PCDH11X: variants seen among roughly 807,000 people sequenced by gnomAD.
PCDH11X encodes the protein protocadherin-11 X-linked.
A neutral mutation model predicts 53.3 loss-of-function variants in PCDH11X; 18 were observed. The ratio of observed to expected loss-of-function variants is 0.34; its 90% CI spans 0.23 to 0.50. The LOEUF is 0.50. PCDH11X is among the 20% of genes least tolerant of loss of function. The probability of loss-of-function intolerance (pLI) is 0.98; values close to 1 mark genes in which losing one functional copy is unlikely to be tolerated. For missense variants in PCDH11X, 570 were observed against 1,032.4 expected, an observed-to-expected ratio of 0.55 and a Z score of 6.14; for synonymous variants, 279 against 393.3, an observed-to-expected ratio of 0.71 and a Z score of 3.44.
At chrX:91,867,804 G>C (rs1373550477) in intron 5 of PCDH11X, among the ~76,000 whole-genome samples, 1 of 111,253 alleles carries the variant, frequency 9.0e-6, no homozygotes, top group Non-Finnish European at 1.9e-5. Flanking sequence ...CTCCAACAAA[G>C]AAGAATATGC....
At chrX:92,553,806 G>A (rs2075002243) in intron 10 of PCDH11X, among the ~76,000 whole-genome samples, 1 of 108,748 alleles carries the variant, frequency 9.2e-6, no homozygotes, top group Admixed American at 9.9e-5. Flanking sequence ...CCACCATCTT[G>A]CTCCCCCTCC....
At chrX:91,997,601 GC>G (rs1176628278) in intron 6 of PCDH11X, among the ~76,000 whole-genome samples, 2 of 111,239 alleles carry the variant, frequency 1.8e-5, no homozygotes, top group East Asian at 5.7e-4. Context: ...TTTTTAATGT[GC>G]TGCTGATTTC....
chrX:92,558,537 G>C (rs899789444), intron 10 of PCDH11X, among the ~76,000 whole-genome samples: 1 of 111,356 alleles, frequency 9.0e-6, no homozygotes, highest in African/African-American at 3.3e-5. Context: ...AAAAAAATAA[G>C]GTCATCCACT....
intron 6 of PCDH11X, among the ~76,000 whole-genome samples, chrX:92,089,518 T>G (rs1029020069): frequency 9.0e-6 from 1 of 111,527 alleles, no homozygotes; most frequent in Non-Finnish European, 1.9e-5. Flanking sequence ...AAGTAAATTA[T>G]TTTTTATTTT....
chrX:92,389,852 G>T (rs751939103), intron 9 of PCDH11X, among the ~76,000 whole-genome samples: 1 of 108,080 alleles, frequency 9.3e-6, no homozygotes, highest in South Asian at 4.0e-4. Context: ...TTAAAAAAAG[G>T]GTGCTTTCTG....
At chrX:92,379,837 G>A (rs1206851263) in intron 8 of PCDH11X, among the ~76,000 whole-genome samples, 3 of 107,703 alleles carry the variant, frequency 2.8e-5, no homozygotes, top group Non-Finnish European at 5.8e-5. Context: ...TGAGAGGTGC[G>A]CTTTCACTCA....
intron 8 of PCDH11X, among the ~76,000 whole-genome samples, chrX:92,292,843 T>C (rs1466542999): frequency 5.4e-5 from 6 of 110,861 alleles, no homozygotes; most frequent in Non-Finnish European, 1.1e-4. Flanking sequence ...ATTCCTTCAA[T>C]TTGTTGACCT....
At chrX:92,048,138 T>C (rs181130877) in intron 6 of PCDH11X, among the ~76,000 whole-genome samples, 8 of 109,895 alleles carry the variant, frequency 7.3e-5, no homozygotes, top group Non-Finnish European at 1.1e-4. Context: ...TGACCAGTAG[T>C]CTAACTTACT....
chrX:91,983,679 C>G (rs765045557), intron 6 of PCDH11X, among the ~76,000 whole-genome samples: 7 of 111,628 alleles, frequency 6.3e-5, no homozygotes, highest in African/African-American at 2.3e-4. Context: ...GACCCACCCC[C>G]CTATTCAGTC....
At chrX:92,258,254 C>A (rs2067638937) in intron 7 of PCDH11X, among the ~76,000 whole-genome samples, 1 of 111,519 alleles carries the variant, frequency 9.0e-6, no homozygotes, top group Admixed American at 9.5e-5. Flanking sequence ...TTCTCCTAGG[C>A]CTCTGGGCCT....
At chrX:92,091,721 A>G in intron 6 of PCDH11X, among the ~76,000 whole-genome samples, 1 of 111,718 alleles carries the variant, frequency 9.0e-6, no homozygotes, top group Non-Finnish European at 1.9e-5. Context: ...AAGGCCTGGG[A>G]TCAATAGAAA....
intron 5 of PCDH11X, among the ~76,000 whole-genome samples, chrX:91,841,020 A>T (rs1937506978): frequency 9.0e-6 from 1 of 110,624 alleles, no homozygotes; most frequent in South Asian, 3.8e-4. Flanking sequence ...TTGCATATTA[A>T]TATTTTTGAT....
chrX:92,249,225 G>A (rs972676201), intron 7 of PCDH11X, among the ~76,000 whole-genome samples: 33 of 111,042 alleles, frequency 3.0e-4, no homozygotes, highest in African/African-American at 1.1e-3. Context: ...TAGTAAATAA[G>A]AAAGATCATT....
intron 9 of PCDH11X, among the ~76,000 whole-genome samples, chrX:92,393,091 G>A (rs751392721): frequency 3.7e-4 from 41 of 110,195 alleles, no homozygotes; most frequent in Non-Finnish European, 5.0e-4. Flanking sequence ...CATTTTTGAC[G>A]AAAGTCACAT....
rs185964829 is a variant in PCDH11X, at chrX:92,313,627, A to G, written c.3144+50484A>G. ...GATGGAGATACTTTCTGAGCAACGC[A>G]TTGTTAGGTGATTTCCTTGTTATGA... is the stretch of plus-strand genomic sequence containing the variant. On this transcript the variant is annotated intron_variant, in intron 8 of 10. Coordinates refer to ENST00000682573, the MANE Select transcript of PCDH11X (RefSeq NM_032968.5). Among the ~76,000 whole-genome samples the G allele has an allele frequency of 3.3e-3, 356 of 109,113 alleles. 3 individuals are homozygous for G. Among genetic ancestry groups the G allele is most frequent in the African/African-American group, 0.012 (346 of 30,028 alleles). 94.8% of individuals were successfully genotyped at this position (109,113 alleles called of 115,157 possible). A position where few individuals can be genotyped will look rare whatever the true frequency, so the allele number is the denominator to read the frequency against.
chrX:92,284,397 G>C (rs1171828820), intron 8 of PCDH11X, among the ~76,000 whole-genome samples: 2 of 111,119 alleles, frequency 1.8e-5, no homozygotes, highest in South Asian at 7.4e-4. Context: ...ATTACTATTT[G>C]CTTTTTAAGC....
intron 6 of PCDH11X, among the ~76,000 whole-genome samples, chrX:91,999,962 C>T (rs780583385): frequency 7.3e-4 from 81 of 111,158 alleles, no homozygotes; most frequent in African/African-American, 2.5e-3. Context: ...TGGCTTTCGT[C>T]GTCTTAGCTG....
At chrX:92,029,596 G>A (rs1327221443) in intron 6 of PCDH11X, among the ~76,000 whole-genome samples, 1 of 110,891 alleles carries the variant, frequency 9.0e-6, no homozygotes, top group Non-Finnish European at 1.9e-5. Context: ...ACTTCCTTTA[G>A]TTTACCAATA....
intron 6 of PCDH11X, among the ~76,000 whole-genome samples, chrX:92,069,085 C>A (rs1420860865): frequency 9.1e-6 from 1 of 109,523 alleles, no homozygotes; most frequent in Non-Finnish European, 1.9e-5. Flanking sequence ...AAGTCTCTAA[C>A]TATTATTGTA....
Sources: gnomAD v4.1 joint callset for allele counts (sites outside exome capture counted in the v4.1 genomes callset) on GRCh38, gnomAD v4.1.1 for gene constraint, MANE v1.5 for transcripts, NCBI Gene and HGNC (gene_info 2026-07-23, HGNC 2026-07-21) for gene names.